Variants in PRKG1 observed in about 807,000 individuals in gnomAD.
The protein encoded by PRKG1 is protein kinase cGMP-dependent 1.
In PRKG1, 35 loss-of-function variants were observed where a neutral mutation model predicts 88.1. The observed-to-expected ratio is 0.40, with a 90% confidence interval of 0.30 to 0.53. The LOEUF (loss-of-function observed/expected upper bound fraction) is 0.53, where lower values mean the gene tolerates loss of function less well. PRKG1 is among the 20% of genes least tolerant of loss of function. PRKG1 has a pLI of 0.59. For missense variants in PRKG1, 540 were observed against 839.8 expected, an observed-to-expected ratio of 0.64 and a Z score of 4.41; for synonymous variants, 303 against 292.5, an observed-to-expected ratio of 1.04 and a Z score of -0.37.
chr10:51,688,534 C>A (rs1204481332), intron 3 of PRKG1, among the ~76,000 whole-genome samples: 1 of 149,130 alleles, frequency 6.7e-6, no homozygotes, highest in South Asian at 2.1e-4. Flanking sequence ...AAAGCATTGA[C>A]CTGCTTTGTC....
intron 2 of PRKG1, among the ~76,000 whole-genome samples, chr10:51,406,017 G>T (rs138414954): frequency 6.6e-6 from 1 of 152,156 alleles, no homozygotes; most frequent in African/African-American, 2.4e-5. Flanking sequence ...TTTAAGGCCC[G>T]TGGAGTGCCC....
intron 3 of PRKG1, among the ~76,000 whole-genome samples, chr10:51,589,854 T>C (rs976906198): frequency 2.0e-5 from 3 of 152,202 alleles, no homozygotes; most frequent in Non-Finnish European, 4.4e-5. Flanking sequence ...GAACTTAAAG[T>C]TACTCTATTT....
intron 3 of PRKG1, among the ~76,000 whole-genome samples, chr10:51,539,373 C>A (rs1332296436): frequency 6.6e-6 from 1 of 152,088 alleles, no homozygotes; most frequent in Non-Finnish European, 1.5e-5. Context: ...TAACAAAAAG[C>A]AATTGCAAGA....
chr10:51,118,523 G>A (rs372159902), intron 1 of PRKG1, among the ~76,000 whole-genome samples: 20 of 152,152 alleles, frequency 1.3e-4, no homozygotes, highest in East Asian at 7.7e-4. Flanking sequence ...GAAAGCTTTC[G>A]TATAGTACTT....
chr10:51,972,264 T>A (rs1843730029), intron 5 of PRKG1, among the ~76,000 whole-genome samples: 3 of 152,212 alleles, frequency 2.0e-5, no homozygotes, highest in Admixed American at 2.0e-4. Flanking sequence ...ATATTTGGGA[T>A]CAGATAGTTT....
At chr10:51,584,520 C>T (rs557798181) in intron 3 of PRKG1, among the ~76,000 whole-genome samples, 10 of 152,108 alleles carry the variant, frequency 6.6e-5, no homozygotes, top group Admixed American at 1.3e-4. Context: ...TCTCATAGTG[C>T]ACCCTACTAA....
At chr10:51,843,619 A>G (rs1840333326) in intron 4 of PRKG1, among the ~76,000 whole-genome samples, 1 of 152,196 alleles carries the variant, frequency 6.6e-6, no homozygotes, top group Non-Finnish European at 1.5e-5. Flanking sequence ...AGTAACAGCT[A>G]TGCTCACTGC....
At chr10:51,569,895 G>A (rs765638879) in intron 3 of PRKG1, among the ~76,000 whole-genome samples, 2 of 151,882 alleles carry the variant, frequency 1.3e-5, no homozygotes, top group Non-Finnish European at 1.5e-5. Context: ...AGCTAGTATG[G>A]TGTATTTCTA....
intron 7 of PRKG1, among the ~76,000 whole-genome samples, chr10:52,130,908 G>A (rs976212737): frequency 2.0e-5 from 3 of 152,114 alleles, no homozygotes; most frequent in African/African-American, 7.2e-5. Flanking sequence ...GAAGGTGTTG[G>A]GGATGAAAAG....
At chr10:52,023,002 G>A (rs918327543) in intron 5 of PRKG1, among the ~76,000 whole-genome samples, 1 of 152,006 alleles carries the variant, frequency 6.6e-6, no homozygotes, top group Non-Finnish European at 1.5e-5. Flanking sequence ...GTGCCAAGGT[G>A]GTTTGCTGTA....
chr10:52,105,565 C>G (rs77072933), intron 7 of PRKG1, among the ~76,000 whole-genome samples: 1,955 of 152,250 alleles, frequency 0.013, 37 homozygotes, highest in African/African-American at 0.045. Context: ...TCTTTGAAAT[C>G]TTTCGGAGAA....
chr10:51,959,375 C>G (rs1201089259), intron 5 of PRKG1, among the ~76,000 whole-genome samples: 1 of 152,114 alleles, frequency 6.6e-6, no homozygotes, highest in Non-Finnish European at 1.5e-5. Context: ...TTTGTGAAAC[C>G]TATCAAAGAG....
chr10:51,979,417 T>TTTG (rs1554863419), intron 5 of PRKG1, among the ~76,000 whole-genome samples: 1 of 135,120 alleles, frequency 7.4e-6, no homozygotes, highest in Non-Finnish European at 1.6e-5. Flanking sequence ...TCTGTTTTTT[T>TTTG]TTTTTTTTTT....
chr10:52,001,232 C>G (rs1844587701), intron 5 of PRKG1, among the ~76,000 whole-genome samples: 2 of 151,822 alleles, frequency 1.3e-5, no homozygotes, highest in Admixed American at 1.3e-4. Flanking sequence ...TTTCTTTACC[C>G]ATTCATCTGT....
chr10:51,608,742 G>A (rs1838828790), intron 3 of PRKG1, among the ~76,000 whole-genome samples: 1 of 152,126 alleles, frequency 6.6e-6, no homozygotes, highest in South Asian at 2.1e-4. Context: ...TGTTAACCTT[G>A]TGAGGATGGC....
intron 3 of PRKG1, among the ~76,000 whole-genome samples, chr10:51,791,301 A>G (rs1189957939): frequency 6.6e-6 from 1 of 152,182 alleles, no homozygotes. Context: ...AGTTCCTGGT[A>G]TAGTTCTTGG....
intron 1 of PRKG1, among the ~76,000 whole-genome samples, chr10:51,084,026 C>A (rs1844183171): frequency 6.6e-6 from 1 of 152,102 alleles, no homozygotes; most frequent in Non-Finnish European, 1.5e-5. Context: ...TCGGAGTCAG[C>A]AAGGAGCTTT....
intron 4 of PRKG1, among the ~76,000 whole-genome samples, chr10:51,903,898 C>G (rs779857392): frequency 2.6e-5 from 4 of 152,028 alleles, no homozygotes; most frequent in African/African-American, 7.2e-5. Flanking sequence ...TCTCAGTTGT[C>G]TTATCTATAC....
At chr10:52,014,118 T>C (rs1844971810) in intron 5 of PRKG1, among the ~76,000 whole-genome samples, 1 of 152,172 alleles carries the variant, frequency 6.6e-6, no homozygotes, top group Non-Finnish European at 1.5e-5. Context: ...ATGAGGGGAC[T>C]AGTTTCAAGA....
Sources: gnomAD v4.1 joint callset for allele counts (sites outside exome capture counted in the v4.1 genomes callset) on GRCh38, gnomAD v4.1.1 for gene constraint, MANE v1.5 for transcripts, NCBI Gene and HGNC (gene_info 2026-07-23, HGNC 2026-07-21) for gene names.